The following COQ4 variants were observed in gnomAD, a reference collection of about 807,000 sequenced individuals.
The protein encoded by COQ4 is ubiquinone biosynthesis protein COQ4 homolog, mitochondrial.
COQ4 carries 36 observed loss-of-function variants against 30.2 expected under a neutral mutation model. That is an observed-to-expected ratio of 1.19 (90% confidence interval 0.91 to 1.57). The LOEUF is 1.57. Among genes scored for constraint, COQ4 ranks in the 40% most tolerant of loss-of-function variants. The pLI is 0.00. For synonymous variants in COQ4, 197 were observed against 161.0 expected (o/e 1.22, Z -1.69); for missense variants, 369 against 371.9 (o/e 0.99, Z 0.07).
intron 4 of COQ4, among the ~76,000 whole-genome samples, chr9:128,328,371 G>A (rs1198423470): frequency 6.6e-6 from 1 of 152,236 alleles, no homozygotes; most frequent in African/African-American, 2.4e-5. Flanking sequence ...AGGCACCCCT[G>A]CCAAATGGCG....
rs1465509642 is a variant in COQ4, at chr9:128,322,918, G to A, written c.60G>A (p.Arg20=). The change falls in exon 1 of 7, where the codon CGG becomes CGA. Residue 20 remains arginine, a synonymous_variant. Coordinates refer to ENST00000300452, the MANE Select transcript of COQ4 (RefSeq NM_016035.5). ...RRLCGLPGLQ[R]PAAEMPLRAR... is the part of the protein sequence containing the mutation. ...TCTGCGGGCTCCCGGGCCTACAGCG[G>A]CCTGCGGCAGGCAAGTGGCGCCGGG... is the stretch of plus-strand genomic sequence containing the variant. 4 of 1,599,888 alleles carry A rather than the reference G, an allele frequency of 2.5e-6. No individual in the cohort carries two copies. In the African/African-American group the frequency reaches 4.0e-5, roughly 16 times the overall value.
At position 128,333,776 on chromosome 9, in the gene COQ4, C is replaced by A; in HGVS notation, c.*131C>A. On this transcript the variant is annotated 3_prime_UTR_variant, in exon 7 of 7. Transcript: ENST00000300452. ...TTGGACAACATTTATCATAATTTGTCATAACCACTGCTGAGTGGCCTTGAG... is the reference window on the plus strand; with the variant it reads ...TTGGACAACATTTATCATAATTTGTAATAACCACTGCTGAGTGGCCTTGAG... The A allele has an allele frequency of 1.1e-6, 1 of 895,942 alleles. No homozygotes were observed. Among genetic ancestry groups the A allele is most frequent in the Non-Finnish European group, 1.6e-6 (1 of 635,100 alleles). The allele number at this position is 895,942 out of a possible 1,614,324, so 55.5% of individuals were successfully genotyped here.
In COQ4 at chr9:128,322,903, C is replaced by T. The variant is rs1480770535; in HGVS notation, c.45C>T (p.Leu15=). 5 of 1,596,220 alleles carry T rather than the reference C, an allele frequency of 3.1e-6. No individual in the cohort carries two copies. The highest frequency in any genetic ancestry group is 4.3e-6 in the Non-Finnish European group (5 of 1,175,620). ...LRPVLRRLCG[L]PGLQRPAAEM... ...CTGTCCTCCGTCGGCTCTGCGGGCTCCCGGGCCTACAGCGGCCTGCGGCAG... is the reference window on the plus strand; with the variant it reads ...CTGTCCTCCGTCGGCTCTGCGGGCTTCCGGGCCTACAGCGGCCTGCGGCAG... Residue 15 remains leucine (L), a synonymous_variant, in exon 1 of 7, where the codon CTC becomes CTT. Coordinates refer to ENST00000300452, the MANE Select transcript of COQ4 (RefSeq NM_016035.5).
rs765160443 is a variant in COQ4 at position 128,332,953 on chromosome 9, C to G, written c.626+10C>G. On this transcript the variant is annotated intron_variant, in intron 6 of 6. Transcript: ENST00000300452. ...TCCGACTTGGCGCTCAGTAAGTTTT[C>G]AAGTGGTAGCTGGGTCGGGGTTGAG... The G allele has an allele frequency of 2.5e-6, 4 of 1,608,156 alleles. No individual in the cohort carries two copies. Among genetic ancestry groups the G allele is most frequent in the Admixed American group, 1.7e-5 (1 of 60,008 alleles).
At chr9:128,324,398 C>T (rs1832281495) in intron 2 of COQ4, among the ~76,000 whole-genome samples, 1 of 152,050 alleles carries the variant, frequency 6.6e-6, no homozygotes, top group Non-Finnish European at 1.5e-5. Flanking sequence ...GTTGAGATTA[C>T]AGGTGTCAGC....
chr9:128,329,861 A>G (rs1194931079), intron 4 of COQ4, among the ~76,000 whole-genome samples: 1 of 152,132 alleles, frequency 6.6e-6, no homozygotes, highest in African/African-American at 2.4e-5. Context: ...CCCACTGTGT[A>G]TGGGTGCTGC....
At position 128,333,484 on chromosome 9, in the gene COQ4, G is replaced by A. The variant is rs1350452764; in HGVS notation, c.637G>A (p.Val213Met). The change falls in exon 7 of 7, where the codon GTG becomes ATG. Residue 213 changes from valine to methionine, a missense_variant. Val to Met is a conservative substitution (Grantham distance 21). Coordinates refer to ENST00000300452, the MANE Select transcript of COQ4 (RefSeq NM_016035.5). ...PIRLGAQSLQ[V>M]LVSELIPWAV... ...TCTGCTGCCCCACAGGAGCCTGCAA[G>A]TGCTGGTCTCGGAGTTGATCCCATG... is the stretch of plus-strand genomic sequence containing the variant. 4 of 1,536,578 alleles carry A rather than the reference G, an allele frequency of 2.6e-6. No homozygotes were observed. Among genetic ancestry groups the A allele is most frequent in the Admixed American group, 2.2e-5 (1 of 45,910 alleles).
chr9:128,326,144 C>G (rs139772787), intron 4 of COQ4: 79 of 576,950 alleles, frequency 1.4e-4, no homozygotes, highest in African/African-American at 1.2e-3. Context: ...TGAATCCCCC[C>G]ACAACTCTGT....
chr9:128,326,263 C>A, intron 4 of COQ4: 1 of 384,992 alleles, frequency 2.6e-6, no homozygotes, highest in Non-Finnish European at 4.7e-6. Context: ...AGATAGTAAT[C>A]AATCCCAGAT....
At chr9:128,330,063 A>G (rs571559977) in intron 4 of COQ4, among the ~76,000 whole-genome samples, 1 of 152,252 alleles carries the variant, frequency 6.6e-6, no homozygotes, top group African/African-American at 2.4e-5. Context: ...CTGTCTGGAT[A>G]CTGTCCATAA....
Position 128,332,847 on chromosome 9 carries a change from CAG to C in COQ4, c.533-2_533-1del. ...CACCTCCCAACACATCCCTCACCCACAGGGGAGATCGTGGTGAAATGGTTTGA... is the reference window on the plus strand; with the variant it reads ...CACCTCCCAACACATCCCTCACCCACGGGAGATCGTGGTGAAATGGTTTGA... On this transcript the variant is annotated splice_acceptor_variant, in intron 5 of 6. Coordinates refer to ENST00000300452, the MANE Select transcript of COQ4 (RefSeq NM_016035.5). LOFTEE classifies it high-confidence loss of function. 1.2e-6 allele frequency: 2 copies of C among 1,611,770 alleles called. No individual in the cohort carries two copies. The highest frequency in any genetic ancestry group is 1.7e-6 in the Non-Finnish European group (2 of 1,177,788).
In COQ4 at chr9:128,333,526, C is replaced by G; in HGVS notation, c.679C>G (p.Arg227Gly). 1 of 1,600,536 alleles carries G rather than the reference C, an allele frequency of 6.2e-7. No homozygotes were observed. The highest frequency in any genetic ancestry group is 8.5e-7 in the Non-Finnish European group (1 of 1,174,062). ...GATCCCATGGGCCGTTCAGAACGGGCGCAGAGCCCCATGTGTCCTCAACCT... is the reference window on the plus strand; with the variant it reads ...GATCCCATGGGCCGTTCAGAACGGGGGCAGAGCCCCATGTGTCCTCAACCT... ...ELIPWAVQNGRRAPCVLNLYY... is the reference protein window; with the variant it reads ...ELIPWAVQNGGRAPCVLNLYY... Residue 227 changes from arginine to glycine, a missense_variant, in exon 7 of 7, where the codon CGC becomes GGC. Physicochemically the swap from Arg to Gly is moderately radical, Grantham distance 125. Transcript: ENST00000300452.
intron 4 of COQ4, among the ~76,000 whole-genome samples, chr9:128,328,552 AC>A (rs560719451): frequency 6.6e-6 from 1 of 151,476 alleles, no homozygotes; most frequent in Non-Finnish European, 1.5e-5. Context: ...TGCCAGGAGC[AC>A]CCCCCCGTCA....
intron 4 of COQ4, among the ~76,000 whole-genome samples, chr9:128,329,574 T>C (rs1047170459): frequency 1.3e-5 from 2 of 152,184 alleles, no homozygotes; most frequent in African/African-American, 2.4e-5. Context: ...TTCATCATAT[T>C]GGCCAGGCTG....
chr9:128,323,307 C>A, intron 2 of COQ4, 160 bp downstream of exon 2: 1 of 663,894 alleles, frequency 1.5e-6, no homozygotes, highest in Non-Finnish European at 2.4e-6. Context: ...CCTAAACGCA[C>A]TGAATCTGAA....
chr9:128,329,363 C>T (rs2131229841), intron 4 of COQ4, among the ~76,000 whole-genome samples: 1 of 152,176 alleles, frequency 6.6e-6, no homozygotes, highest in South Asian at 2.1e-4. Context: ...CTCTCTGAGC[C>T]TTGTTTTCCT....
At position 128,333,745 on chromosome 9, in the gene COQ4, T is replaced by A. The variant is rs1832454912; in HGVS notation, c.*100T>A. On this transcript the variant is annotated 3_prime_UTR_variant, in exon 7 of 7. Coordinates refer to ENST00000300452, the MANE Select transcript of COQ4 (RefSeq NM_016035.5). ...ACCTTTGTTCCTCTTCTTTGAACAC[T>A]GACCCTTGGACAACATTTATCATAA... 3 of 1,090,296 alleles carry A rather than the reference T, an allele frequency of 2.8e-6. No individual in the cohort carries two copies. In the Admixed American group the frequency reaches 9.3e-5, roughly 34 times the overall value. 67.5% of individuals were successfully genotyped at this position (1,090,296 alleles called of 1,614,324 possible). A position where few individuals can be genotyped will look rare whatever the true frequency, so the allele number is the denominator to read the frequency against.
intron 6 of COQ4, 83 bp downstream of exon 6, chr9:128,333,026 G>T: frequency 9.8e-7 from 1 of 1,016,390 alleles, no homozygotes; most frequent in Non-Finnish European, 1.6e-6. Flanking sequence ...TTAGAAGTAG[G>T]AAGAGCACAC....
chr9:128,322,998 CT>C lies in COQ4; in HGVS notation c.71-13del. 6.2e-7 allele frequency: 1 copy of C among 1,610,562 alleles called. No individual in the cohort carries two copies. On this transcript the variant is annotated splice_polypyrimidine_tract_variant and intron_variant, in intron 1 of 6. Coordinates refer to ENST00000300452, the MANE Select transcript of COQ4 (RefSeq NM_016035.5). ...GGCGCCCGGCTCCTCTGACCTCGGC[CT>C]TTTTCTTGCCCCGCAGAAATGCCCC...
Sources: allele counts gnomAD v4.1 joint callset (sites outside exome capture counted in the v4.1 genomes callset), GRCh38; gene constraint gnomAD v4.1.1; transcripts MANE v1.5; gene names NCBI Gene and HGNC (gene_info 2026-07-23, HGNC 2026-07-21).